Variants in SS18 observed in about 807,000 individuals in gnomAD.
The protein encoded by SS18 is SS18 subunit of BAF chromatin remodeling complex.
A neutral mutation model predicts 72.5 loss-of-function variants in SS18; 28 were observed. The observed-to-expected ratio is 0.39, with a 90% CI of 0.29 to 0.53. SS18 has a LOEUF of 0.53. SS18 is among the 20% of genes least tolerant of loss of function. The pLI is 0.76. For synonymous variants in SS18, 172 were observed against 164.2 expected (o/e 1.05, Z -0.37); for missense variants, 518 against 535.3 (o/e 0.97, Z 0.32).
At chr18:26,053,896 G>A (rs1233164842) in intron 4 of SS18, among the ~76,000 whole-genome samples, 1 of 152,150 alleles carries the variant, frequency 6.6e-6, no homozygotes, top group East Asian at 1.9e-4. Flanking sequence ...GGAATCAAGG[G>A]TGGGATCAAG....
At chr18:26,039,818 T>G (rs921485854) in intron 5 of SS18, among the ~76,000 whole-genome samples, 2 of 152,198 alleles carry the variant, frequency 1.3e-5, no homozygotes, top group Non-Finnish European at 2.9e-5. Flanking sequence ...ATCCTTATGC[T>G]ACACTGGAAA....
chr18:26,044,926 A>C (rs1220082149), intron 5 of SS18, among the ~76,000 whole-genome samples: 2 of 152,214 alleles, frequency 1.3e-5, no homozygotes, highest in Admixed American at 1.3e-4. Context: ...GTATTATCAC[A>C]CATCTGTGAG....
chr18:26,046,191 C>CAAAAAAAAAAAAAAAAAAAAAAAAGAAAA (rs760639087), intron 5 of SS18, among the ~76,000 whole-genome samples: 1 of 45,068 alleles, frequency 2.2e-5, no homozygotes, highest in Non-Finnish European at 6.2e-5. Context: ...GACTCCGTCT[C>CAAAAAAAAAAAAAAAAAAAAAAAAGAAAA]AAAAAAAAAA....
At chr18:26,048,309 A>AT (rs542394033) in intron 5 of SS18, among the ~76,000 whole-genome samples, 1 of 152,206 alleles carries the variant, frequency 6.6e-6, no homozygotes, top group African/African-American at 2.4e-5. Flanking sequence ...CTACAAAGAC[A>AT]TTTTTTCCAG....
intron 10 of SS18, among the ~76,000 whole-genome samples, chr18:26,026,914 G>GTT (rs931182998): frequency 6.6e-6 from 1 of 151,962 alleles, no homozygotes; most frequent in African/African-American, 2.4e-5. Context: ...AAAAATAAAT[G>GTT]TAAGACCTAT....
rs1476925566 is a variant in SS18, at chr18:26,090,493, G to C, written c.69+8C>G. ...GGGCCTGGCATCCGCAACCCCGCGC[G>C]GTTTCACCTTCTGAATCGCAGCGGG... On this transcript the variant is annotated splice_region_variant and intron_variant, in intron 1 of 10. Coordinates refer to ENST00000415083, the MANE Select transcript of SS18 (RefSeq NM_001007559.3). 3.2e-6 allele frequency: 5 copies of C among 1,565,466 alleles called. No individual in the cohort carries two copies. The highest frequency in any genetic ancestry group is 3.5e-6 in the Non-Finnish European group (4 of 1,155,158).
chr18:26,050,206 G>A (rs2053897105), intron 5 of SS18, among the ~76,000 whole-genome samples: 1 of 151,328 alleles, frequency 6.6e-6, no homozygotes, highest in South Asian at 2.1e-4. Context: ...CTGCACTCCA[G>A]CCTGGGCGAC....
At position 26,032,520 on chromosome 18, in the gene SS18, C is replaced by G. The variant is rs61737050; in HGVS notation, c.1109G>C (p.Gly370Ala). The G allele has an allele frequency of 2.9e-3, 4,614 of 1,613,380 alleles. 105 individuals carry two copies. In the African/African-American group the frequency reaches 0.054, roughly 19 times the overall value. The change falls in exon 10 of 11, where the codon GGT becomes GCT. Residue 370 changes from glycine (G) to alanine (A), a missense_variant. Coordinates refer to ENST00000415083, the MANE Select transcript of SS18 (RefSeq NM_001007559.3). The part of the protein sequence containing the change: ...GQQQGYGPSQ[G>A]GPGPQYPNYP... ...GTTAGGATACTGAGGACCTGGACCA[C>G]CCTGTGAAGGACCTGAAAATAATGT... is the stretch of plus-strand genomic sequence containing the variant.
At chr18:26,053,640 G>GT (rs2053962257) in intron 4 of SS18, among the ~76,000 whole-genome samples, 2 of 150,430 alleles carry the variant, frequency 1.3e-5, no homozygotes, top group African/African-American at 5.0e-5. Flanking sequence ...GTAAAAGAAT[G>GT]GGCAAAGGAC....
At chr18:26,091,010 C>A (rs1264038191), upstream of SS18, 1 of 213,926 alleles carries the variant, frequency 4.7e-6, no homozygotes. Flanking sequence ...TTGCCTCCCT[C>A]TCCGGCCCTC....
rs2053322243 is a variant in SS18, at chr18:26,020,120, T to G, written c.1231-1740A>C. ...TTATTGGTTAGCATACTGGAGCTTA[T>G]TATTCCATTGTTAGATTGTCTAAAT... On this transcript the variant is annotated intron_variant, in intron 10 of 10. Coordinates refer to ENST00000415083, the MANE Select transcript of SS18 (RefSeq NM_001007559.3). Among the ~76,000 whole-genome samples the G allele has an allele frequency of 3.3e-5, 5 of 152,190 alleles. No individual in the cohort carries two copies. In the South Asian group the frequency reaches 1.0e-3, roughly 32 times the overall value.
In SS18 at chr18:26,055,153, A is replaced by G. The variant is rs183932636; in HGVS notation, c.386-2308T>C. ...GATTTTGGTCCCATAGGCATGTATT[A>G]CCTAGCTTTTAAAAAATCAATTAAT... On this transcript the variant is annotated intron_variant, in intron 4 of 10. Coordinates refer to ENST00000415083, the MANE Select transcript of SS18 (RefSeq NM_001007559.3). Among the ~76,000 whole-genome samples, 211 of 152,066 alleles carry G rather than the reference A, an allele frequency of 1.4e-3. 1 individual carries two copies. Among genetic ancestry groups the G allele is most frequent in the African/African-American group, 4.5e-3 (187 of 41,478 alleles).
chr18:26,068,261 T>G (rs763049310), intron 3 of SS18: 1 of 152,190 alleles, frequency 6.6e-6, no homozygotes, highest in Non-Finnish European at 1.5e-5. Context: ...TATAGATGCT[T>G]TCTTTTTTTT....
At chr18:26,090,653 G>T, upstream of SS18, 1 of 1,405,206 alleles carries the variant, frequency 7.1e-7, no homozygotes, top group Non-Finnish European at 9.7e-7. Context: ...CTCTCGGGCT[G>T]AACCACCTCG....
rs560370788 is a variant in SS18, at chr18:26,018,320, A to G, written c.*34T>C. 6.3e-7 allele frequency: 1 copy of G among 1,581,850 alleles called. No homozygotes were observed. Among genetic ancestry groups the G allele is most frequent in the African/African-American group, 1.3e-5 (1 of 74,366 alleles). On this transcript the variant is annotated 3_prime_UTR_variant, in exon 11 of 11. Coordinates refer to ENST00000415083, the MANE Select transcript of SS18 (RefSeq NM_001007559.3). ...GTGCTGAGGTGACAATATGGCTGCT[A>G]ATAGATACTGGCTACTGGAATGTAA...
At chr18:26,042,336 AC>A (rs1285557370) in intron 5 of SS18, among the ~76,000 whole-genome samples, 1 of 152,168 alleles carries the variant, frequency 6.6e-6, no homozygotes, top group East Asian at 1.9e-4. Flanking sequence ...TTTTACATAA[AC>A]AATTTTGATG....
rs999577189 is a variant in SS18, at chr18:26,035,450, A to G, written c.974-323T>C. 9.3e-6 allele frequency: 3 copies of G among 322,154 alleles called. No homozygotes were observed. The highest frequency in any genetic ancestry group is 2.1e-5 in the African/African-American group (1 of 47,654). 20.0% of individuals were successfully genotyped at this position (322,154 alleles called of 1,614,324 possible). A position where few individuals can be genotyped will look rare whatever the true frequency, so the allele number is the denominator to read the frequency against. On this transcript the variant is annotated intron_variant, in intron 8 of 10. Coordinates refer to ENST00000415083, the MANE Select transcript of SS18 (RefSeq NM_001007559.3). This position sits in a 1 kb window ranked among gnomAD's most constrained non-coding sequence, Gnocchi z 4.4. Reference sequence around the variant, plus strand: ...AAAGACAAAATTAAAGACAGCTACAAGAGCACACACTAGCTACACGAGATC... The same window carrying G: ...AAAGACAAAATTAAAGACAGCTACAGGAGCACACACTAGCTACACGAGATC...
chr18:26,060,289 CA>C (rs1382780269), intron 3 of SS18, among the ~76,000 whole-genome samples: 20 of 152,084 alleles, frequency 1.3e-4, no homozygotes, highest in Non-Finnish European at 2.8e-4. Context: ...AGAAGATGGA[CA>C]CAAAAGGCCA....
At chr18:26,081,008 T>C (rs1042494720) in intron 2 of SS18, among the ~76,000 whole-genome samples, 9 of 147,330 alleles carry the variant, frequency 6.1e-5, no homozygotes, top group Non-Finnish European at 1.3e-4. Flanking sequence ...CAAATCATTT[T>C]CCCTCGTATA....
Sources: allele counts gnomAD v4.1 joint callset (sites outside exome capture counted in the v4.1 genomes callset), GRCh38; gene constraint gnomAD v4.1.1; non-coding constraint Gnocchi (gnomAD v3.1); transcripts MANE v1.5; gene names NCBI Gene and HGNC (gene_info 2026-07-23, HGNC 2026-07-21).